The following URB1 variants were observed in gnomAD, a reference collection of about 807,000 sequenced individuals.
URB1 encodes URB1 ribosome biogenesis factor, also known as nucleolar pre-ribosomal-associated protein 1.
In URB1, 197 loss-of-function variants were observed where a neutral mutation model predicts 242.3. The ratio of observed to expected loss-of-function variants is 0.81; its 90% CI spans 0.72 to 0.91. The LOEUF is 0.91. Among genes scored for constraint, URB1 ranks in the 40% least tolerant of loss-of-function variants. The pLI is 0.00. For synonymous variants in URB1, 1,153 were observed against 1,201.8 expected (o/e 0.96, Z 0.84); for missense variants, 2,721 against 2,860.5 (o/e 0.95, Z 1.11).
chr21:32,373,887 C>G, intron 6 of URB1, 115 bp from the exon 7 acceptor site: 1 of 1,099,238 alleles, frequency 9.1e-7, no homozygotes, highest in Non-Finnish European at 1.2e-6. Flanking sequence ...ATAATGCTTG[C>G]TAGTGGCAGA....
chr21:32,353,815 ACCT>A, intron 18 of URB1, 115 bp downstream of exon 18: 1 of 1,250,244 alleles, frequency 8.0e-7, no homozygotes, highest in East Asian at 2.6e-5. Flanking sequence ...GGGGGTTCTG[ACCT>A]CCTATTGCCC....
intron 34 of URB1, among the ~76,000 whole-genome samples, chr21:32,321,015 C>A (rs531801855): frequency 1.3e-5 from 2 of 152,324 alleles, no homozygotes; most frequent in Non-Finnish European, 2.9e-5. Context: ...ACGAGCCATG[C>A]GGCCCTGTGT....
At chr21:32,324,983 T>G (rs1421351967) in intron 31 of URB1, among the ~76,000 whole-genome samples, 1 of 152,174 alleles carries the variant, frequency 6.6e-6, no homozygotes, top group Non-Finnish European at 1.5e-5. Flanking sequence ...TAATTTTGTC[T>G]ACACACAACA....
chr21:32,335,556 T>G lies in URB1; in HGVS notation c.4686-1222A>C, dbSNP rs1013247307. ...CATTATCTATAGAGCTAAATACTTC[T>G]AAACAAAATTCTTCTAAATACAGGT... On this transcript the variant is annotated intron_variant, in intron 28 of 38. Coordinates refer to ENST00000382751, the MANE Select transcript of URB1 (RefSeq NM_014825.3). 3 of 152,434 alleles carry G rather than the reference T, an allele frequency of 2.0e-5. No homozygotes were observed. In the East Asian group the frequency reaches 5.8e-4, roughly 29 times the overall value. The allele number at this position is 152,434 out of a possible 1,614,324, so 9.4% of individuals were successfully genotyped here.
At chr21:32,318,648 A>G (rs2032723354) in intron 36 of URB1, among the ~76,000 whole-genome samples, 1 of 152,252 alleles carries the variant, frequency 6.6e-6, no homozygotes, top group South Asian at 2.1e-4. Flanking sequence ...CAAATCAGAA[A>G]TAATGAGTGT....
chr21:32,369,775 C>A (rs1277210682), intron 8 of URB1, among the ~76,000 whole-genome samples: 1 of 152,082 alleles, frequency 6.6e-6, no homozygotes, highest in Non-Finnish European at 1.5e-5. Flanking sequence ...CAAATTCCTT[C>A]ATTTTCATTT....
chr21:32,388,268 C>T (rs1035955056), intron 1 of URB1, among the ~76,000 whole-genome samples: 1 of 152,180 alleles, frequency 6.6e-6, no homozygotes, highest in Non-Finnish European at 1.5e-5. Flanking sequence ...ACAGAACCTA[C>T]CTGACAGGGT....
chr21:32,322,336 T>C (rs1386157335), intron 33 of URB1, 142 bp downstream of exon 33: 1 of 740,466 alleles, frequency 1.4e-6, no homozygotes, highest in South Asian at 1.7e-5. Context: ...CATTCCGAAG[T>C]GCAGGCCTGC....
Position 32,387,250 on chromosome 21 carries a change from C to T in URB1, c.143-1566G>A, listed in dbSNP as rs114132555. ...TACCAACTGGGAGCCACCTGTGTGC[C>T]GCTGCCCACAGAATTCTCCTGCCAG... is the stretch of plus-strand genomic sequence containing the variant. On this transcript the variant is annotated intron_variant, in intron 1 of 38. Transcript: ENST00000382751. Among the ~76,000 whole-genome samples, 808 of 152,198 alleles carry T rather than the reference C, an allele frequency of 5.3e-3. 11 individuals carry two copies. The highest frequency in any genetic ancestry group is 0.017 in the African/African-American group (725 of 41,510).
At chr21:32,333,833 T>G (rs1362157647) in intron 29 of URB1, among the ~76,000 whole-genome samples, 1 of 152,188 alleles carries the variant, frequency 6.6e-6, no homozygotes, top group African/African-American at 2.4e-5. Context: ...GAGCTCAAAT[T>G]ATTTTGAATA....
intron 15 of URB1, among the ~76,000 whole-genome samples, chr21:32,356,975 T>C (rs939696619): frequency 1.3e-5 from 2 of 152,178 alleles, no homozygotes; most frequent in African/African-American, 4.8e-5. Flanking sequence ...GCATTTCAAA[T>C]AAAAGTGAAA....
At chr21:32,357,316 A>T in intron 15 of URB1, among the ~76,000 whole-genome samples, 1 of 130,814 alleles carries the variant, frequency 7.6e-6, no homozygotes, top group Non-Finnish European at 1.8e-5. Context: ...GACCTACCTA[A>T]AAAAAAAAAA....
At position 32,373,631 on chromosome 21, in the gene URB1, CAA is replaced by C. The variant is rs879017334; in HGVS notation, c.876+14_876+15del. Reference sequence around the variant, plus strand: ...TTCCAACAACGAGGTCAACGAAAACCAAAAAGTGTCTGCACCTTGACATTTTC... The same window carrying C: ...TTCCAACAACGAGGTCAACGAAAACCAAAGTGTCTGCACCTTGACATTTTC... On this transcript the variant is annotated intron_variant, in intron 7 of 38. Coordinates refer to ENST00000382751, the MANE Select transcript of URB1 (RefSeq NM_014825.3). 11 of 1,528,200 alleles carry C rather than the reference CAA, an allele frequency of 7.2e-6. No individual in the cohort carries two copies. In the African/African-American group the frequency reaches 9.8e-5, roughly 14 times the overall value. The allele number at this position is 1,528,200 out of a possible 1,614,324, so 94.7% of individuals were successfully genotyped here. A position where few individuals can be genotyped will look rare whatever the true frequency, so the allele number is the denominator to read the frequency against.
intron 4 of URB1, among the ~76,000 whole-genome samples, chr21:32,382,769 G>A (rs922575801): frequency 1.3e-5 from 2 of 152,112 alleles, no homozygotes; most frequent in Non-Finnish European, 2.9e-5. Flanking sequence ...GCGATGGGAG[G>A]ATGCCCTCTC....
chr21:32,347,872 A>G (rs907481465), intron 21 of URB1, 61 bp from the exon 22 acceptor site: 9 of 1,467,118 alleles, frequency 6.1e-6, no homozygotes, highest in Non-Finnish European at 8.1e-6. Context: ...CAGGGGCGGC[A>G]GCTGCCACGC....
At position 32,363,461 on chromosome 21, in the gene URB1, G is replaced by A. The variant is rs547582567; in HGVS notation, c.1336-132C>T. The A allele has an allele frequency of 2.9e-5, 33 of 1,150,332 alleles. No homozygotes were observed. In the African/African-American group the frequency reaches 3.3e-4, roughly 11 times the overall value. The allele number at this position is 1,150,332 out of a possible 1,614,324, so 71.3% of individuals were successfully genotyped here. A position where few individuals can be genotyped will look rare whatever the true frequency, so the allele number is the denominator to read the frequency against. ...GCTGCATGAAACTGCTGGTCTCTAC[G>A]CTCTGAGAAGAGGCGACCTGGGTAC... On this transcript the variant is annotated intron_variant, in intron 10 of 38. Transcript: ENST00000382751.
chr21:32,325,582 T>C (rs534076595), intron 30 of URB1, among the ~76,000 whole-genome samples, 193 bp from the exon 31 acceptor site: 7 of 152,312 alleles, frequency 4.6e-5, no homozygotes, highest in African/African-American at 1.7e-4. Flanking sequence ...TATGTGGCAA[T>C]AATGACCATA....
chr21:32,352,506 T>G (rs1008117088), intron 19 of URB1, among the ~76,000 whole-genome samples: 1 of 152,240 alleles, frequency 6.6e-6, no homozygotes, highest in Non-Finnish European at 1.5e-5. Context: ...TTTGGCTGCA[T>G]CACTGAGTCC....
rs2032995757 is a variant in URB1, at chr21:32,338,886, T to G, written c.4331A>C (p.Asp1444Ala). The G allele has an allele frequency of 1.3e-6, 2 of 1,538,026 alleles. No homozygotes were observed. Among genetic ancestry groups the G allele is most frequent in the Admixed American group, 2.0e-5 (1 of 50,208 alleles). Residue 1444 changes from aspartate (D) to alanine (A), a missense_variant, in exon 26 of 39, where the codon GAC (aspartate) becomes GCC (alanine). Asp to Ala is a moderately radical substitution (Grantham distance 126). Transcript: ENST00000382751. ...VKKGLKFRYQ[D>A]HTFLKMLLTA... ...GAGGAGCATCTTTAAAAATGTGTGG[T>G]CCTGGTACCGAAATCTAGGCGGCGA...
Sources: allele counts gnomAD v4.1 joint callset (sites outside exome capture counted in the v4.1 genomes callset), GRCh38; gene constraint gnomAD v4.1.1; transcripts MANE v1.5; gene names NCBI Gene and HGNC (gene_info 2026-07-23, HGNC 2026-07-21).